SGSM1: variants seen among roughly 807,000 people sequenced by gnomAD.
SGSM1 encodes the protein small G protein signaling modulator 1.
SGSM1 carries 73 observed loss-of-function variants against 133.8 expected under a neutral mutation model. That is an observed-to-expected ratio of 0.55 (90% confidence interval 0.45 to 0.66). The LOEUF (loss-of-function observed/expected upper bound fraction) is 0.66, where lower values mean the gene tolerates loss of function less well. Among genes scored for constraint, SGSM1 ranks in the 30% least tolerant of loss-of-function variants. The pLI is 0.00. For missense variants in SGSM1, 1,213 were observed against 1,448.1 expected (o/e 0.84, Z 2.64); for synonymous variants, 563 against 573.0 (o/e 0.98, Z 0.25).
chr22:24,910,442 G>A (rs934676201), intron 21 of SGSM1, among the ~76,000 whole-genome samples: 2 of 151,918 alleles, frequency 1.3e-5, no homozygotes, highest in Admixed American at 6.5e-5. Flanking sequence ...GAGATCAGGA[G>A]TTTGAGACCA....
intron 3 of SGSM1, among the ~76,000 whole-genome samples, chr22:24,846,547 A>C (rs1479642030): frequency 6.6e-6 from 1 of 152,208 alleles, no homozygotes; most frequent in Non-Finnish European, 1.5e-5. Context: ...AAATAGTATA[A>C]TAATTCAGTA....
intron 8 of SGSM1, 179 bp downstream of exon 8, chr22:24,855,859 TTACA>T: frequency 1.1e-6 from 1 of 898,516 alleles, no homozygotes; most frequent in Non-Finnish European, 1.8e-6. Flanking sequence ...GCACCCATCC[TTACA>T]TCCATCCATC....
At chr22:24,856,783 T>G (rs113141239) in intron 8 of SGSM1, among the ~76,000 whole-genome samples, 2 of 151,596 alleles carry the variant, frequency 1.3e-5, no homozygotes, top group Non-Finnish European at 2.9e-5. Flanking sequence ...TTTTTTTTTT[T>G]TCTGAGACAG....
Position 24,855,641 on chromosome 22 carries a change from CA to C in SGSM1, c.763del (p.Thr255ProfsTer33). ...VESLHQNSRA[T>X]LLYGKNNVLV... ...AGTCCCTGCATCAGAACTCCCGTGC[CA>C]CCCTTCTCTATGGCAAAAACAACGT... is the stretch of plus-strand genomic sequence containing the variant. On this transcript the variant is annotated frameshift_variant, in exon 8 of 25. Transcript: ENST00000400358. LOFTEE classifies it high-confidence loss of function. 1 of 1,613,994 alleles carries C rather than the reference CA, an allele frequency of 6.2e-7. No homozygotes were observed. Among genetic ancestry groups the C allele is most frequent in the Non-Finnish European group, 8.5e-7 (1 of 1,179,888 alleles).
chr22:24,877,886 C>G (rs1468409015), intron 13 of SGSM1, among the ~76,000 whole-genome samples: 1 of 135,168 alleles, frequency 7.4e-6, no homozygotes, highest in African/African-American at 2.7e-5. Flanking sequence ...TCTTGGCTCA[C>G]TTCAACCTCC....
rs375080868 is a variant in SGSM1 at position 24,858,654 on chromosome 22, A to G, written c.802-1062A>G. Among the ~76,000 whole-genome samples the G allele has an allele frequency of 6.6e-4, 94 of 142,754 alleles. 1 individual carries two copies. The highest frequency in any genetic ancestry group is 1.4e-3 in the South Asian group (6 of 4,198). The allele number at this position is 142,754 out of a possible 152,430, so 93.7% of individuals were successfully genotyped here. ...CCATCTCAAAAAAAAAAAAAAAAAAAAAGAAGAAAGACAATCTGGACTTGT... is the reference window on the plus strand; with the variant it reads ...CCATCTCAAAAAAAAAAAAAAAAAAGAAGAAGAAAGACAATCTGGACTTGT... On this transcript the variant is annotated intron_variant, in intron 8 of 24. Coordinates refer to ENST00000400358, the MANE Select transcript of SGSM1 (RefSeq NM_001098497.3).
chr22:24,876,233 C>G (rs1932017222), intron 12 of SGSM1, among the ~76,000 whole-genome samples: 1 of 152,188 alleles, frequency 6.6e-6, no homozygotes, highest in South Asian at 2.1e-4. Flanking sequence ...AGCAGGCTCC[C>G]CTTCCCTCCT....
At chr22:24,900,413 T>TTCTTCTTTCTTTCTTTCTTTTCTTTC (rs1555935573) in intron 19 of SGSM1, among the ~76,000 whole-genome samples, 2 of 141,850 alleles carry the variant, frequency 1.4e-5, no homozygotes, top group African/African-American at 5.9e-5. Flanking sequence ...CTTTCTGTAT[T>TTCTTCTTTCTTTCTTTCTTTTCTTTC]TTTGAGACAG....
rs60692199 is a variant in SGSM1, at chr22:24,868,085, G to A, written c.995-291G>A. 3.1e-3 allele frequency among the ~76,000 whole-genome samples: 477 copies of A among 152,244 alleles called. 4 individuals carry two copies. The highest frequency in any genetic ancestry group is 0.011 in the African/African-American group (460 of 41,538). On this transcript the variant is annotated intron_variant, in intron 10 of 24. Coordinates refer to ENST00000400358, the MANE Select transcript of SGSM1 (RefSeq NM_001098497.3). ...GACTTGTAAAGGATTCCTGAGGAGC[G>A]TAGGGTTCTAGGGGGCGTCTTTTTC...
chr22:24,892,476 C>T (rs998788331), intron 16 of SGSM1, among the ~76,000 whole-genome samples: 3 of 152,166 alleles, frequency 2.0e-5, no homozygotes, highest in Non-Finnish European at 4.4e-5. Context: ...ATCTGTGGCC[C>T]TTCTGTAAGG....
At chr22:24,884,751 A>G (rs569261503) in intron 15 of SGSM1, among the ~76,000 whole-genome samples, 2 of 152,338 alleles carry the variant, frequency 1.3e-5, no homozygotes, top group African/African-American at 4.8e-5. Flanking sequence ...GCGCATGTAC[A>G]GTTAGGACCT....
chr22:24,871,013 C>A (rs1385449368), intron 12 of SGSM1, among the ~76,000 whole-genome samples: 1 of 152,160 alleles, frequency 6.6e-6, no homozygotes, highest in African/African-American at 2.4e-5. Context: ...GAGGAAACTC[C>A]CAACTAATTC....
At position 24,902,065 on chromosome 22, in the gene SGSM1, A is replaced by G. The variant is rs1201151702; in HGVS notation, c.2735+108A>G. On this transcript the variant is annotated intron_variant, in intron 20 of 24. Coordinates refer to ENST00000400358, the MANE Select transcript of SGSM1 (RefSeq NM_001098497.3). Reference sequence around the variant, plus strand: ...TATTTCAGCTTCTGAAGCTGGCATCATACTCACCTGGAATCTTACTTAGCC... The same window carrying G: ...TATTTCAGCTTCTGAAGCTGGCATCGTACTCACCTGGAATCTTACTTAGCC... 2.5e-6 allele frequency: 3 copies of G among 1,176,996 alleles called. No individual in the cohort carries two copies. The East Asian group carries it at 7.7e-5, about 30-fold the overall frequency. The allele number at this position is 1,176,996 out of a possible 1,614,324, so 72.9% of individuals were successfully genotyped here. A position where few individuals can be genotyped will look rare whatever the true frequency, so the allele number is the denominator to read the frequency against.
chr22:24,836,889 T>C (rs1470789566), intron 2 of SGSM1, among the ~76,000 whole-genome samples: 1 of 152,240 alleles, frequency 6.6e-6, no homozygotes, highest in Non-Finnish European at 1.5e-5. Context: ...TCACTGTTTA[T>C]TTTGTTCTTT....
chr22:24,820,984 C>T (rs1386808388), intron 2 of SGSM1, among the ~76,000 whole-genome samples: 1 of 152,196 alleles, frequency 6.6e-6, no homozygotes, highest in African/African-American at 2.4e-5. Flanking sequence ...TGGCAGGCCT[C>T]TCTGAGATGG....
intron 24 of SGSM1, 28 bp downstream of exon 24, chr22:24,920,021 A>G: frequency 6.4e-7 from 1 of 1,567,014 alleles, no homozygotes; most frequent in Non-Finnish European, 8.6e-7. Flanking sequence ...GCCTCATGAG[A>G]GGGGTGCAGG....
At position 24,924,345 on chromosome 22, in the gene SGSM1, C is replaced by T; in HGVS notation, c.*71C>T. On this transcript the variant is annotated 3_prime_UTR_variant, in exon 25 of 25. Coordinates refer to ENST00000400358, the MANE Select transcript of SGSM1 (RefSeq NM_001098497.3). ...CTCCTCTGCTTACTTTTCCTCCTGG[C>T]TGGATGGGCACCCCGGGAGCGGGGT... 1 of 1,392,436 alleles carries T rather than the reference C, an allele frequency of 7.2e-7. No homozygotes were observed. The highest frequency in any genetic ancestry group is 1.0e-6 in the Non-Finnish European group (1 of 986,444). 86.3% of individuals were successfully genotyped at this position (1,392,436 alleles called of 1,614,324 possible).
intron 13 of SGSM1, among the ~76,000 whole-genome samples, chr22:24,878,679 A>T (rs900733986): frequency 1.3e-5 from 2 of 151,946 alleles, no homozygotes; most frequent in East Asian, 3.9e-4. Context: ...CTAGAATCTG[A>T]CTCCTCTCAC....
At chr22:24,857,682 G>A (rs1300319956) in intron 8 of SGSM1, among the ~76,000 whole-genome samples, 2 of 152,154 alleles carry the variant, frequency 1.3e-5, no homozygotes, top group East Asian at 3.9e-4. Context: ...AGAGTCATCA[G>A]TGCCCTCATT....
Sources: gnomAD v4.1 joint callset for allele counts (sites outside exome capture counted in the v4.1 genomes callset) on GRCh38, gnomAD v4.1.1 for gene constraint, MANE v1.5 for transcripts, NCBI Gene and HGNC (gene_info 2026-07-23, HGNC 2026-07-21) for gene names.